Variants in CDH6 observed in about 807,000 individuals in gnomAD.
CDH6 encodes cadherin 6, also known as cadherin-6.
Under a neutral mutation model 78.0 loss-of-function variants are expected in CDH6, and 31 were observed. The ratio of observed to expected loss-of-function variants is 0.40; its 90% CI spans 0.30 to 0.54. The LOEUF (loss-of-function observed/expected upper bound fraction) is 0.54. Among genes scored for constraint, CDH6 ranks in the 20% least tolerant of loss-of-function variants. CDH6 has a pLI of 0.56. For synonymous variants in CDH6, 376 were observed against 368.8 expected (o/e 1.02, Z -0.23); for missense variants, 724 against 975.9 (o/e 0.74, Z 3.44).
chr5:31,287,026 T>C (rs912513118), intron 2 of CDH6, among the ~76,000 whole-genome samples: 2 of 152,032 alleles, frequency 1.3e-5, no homozygotes, highest in African/African-American at 4.8e-5. Flanking sequence ...GAGGTCAATA[T>C]TGGATGTGCT....
intron 1 of CDH6, among the ~76,000 whole-genome samples, chr5:31,213,458 C>T (rs964748136): frequency 1.3e-5 from 2 of 151,976 alleles, no homozygotes; most frequent in African/African-American, 2.4e-5. Flanking sequence ...GGCTCTAGAG[C>T]GTGGGTGAGG....
intron 1 of CDH6, among the ~76,000 whole-genome samples, chr5:31,265,596 T>C (rs1295453283): frequency 1.3e-5 from 2 of 152,070 alleles, no homozygotes; most frequent in African/African-American, 2.4e-5. Context: ...ATGACAAGAA[T>C]CAAGTGAACC....
intron 1 of CDH6, among the ~76,000 whole-genome samples, chr5:31,259,438 G>A (rs1247544775): frequency 2.0e-5 from 3 of 152,156 alleles, no homozygotes; most frequent in African/African-American, 7.2e-5. Context: ...TCACTGAGCT[G>A]TTAAAAGAAG....
At chr5:31,296,260 T>TTAA (rs1737595735) in intron 3 of CDH6, among the ~76,000 whole-genome samples, 1 of 152,170 alleles carries the variant, frequency 6.6e-6, no homozygotes, top group Non-Finnish European at 1.5e-5. Flanking sequence ...TTAAGTGATC[T>TTAA]TAATCCGAGA....
At chr5:31,273,798 C>T (rs1742602231) in intron 2 of CDH6, among the ~76,000 whole-genome samples, 1 of 152,218 alleles carries the variant, frequency 6.6e-6, no homozygotes, top group African/African-American at 2.4e-5. Flanking sequence ...TATTGTTATG[C>T]ACATTCCTTT....
intron 7 of CDH6, among the ~76,000 whole-genome samples, chr5:31,309,873 C>T (rs1561069622): frequency 1.3e-5 from 2 of 152,172 alleles, no homozygotes; most frequent in Admixed American, 6.5e-5. Flanking sequence ...GAAGTCTGCC[C>T]CATGATTCAG....
At chr5:31,199,701 ATATATATATATATATC>A (rs1196485772) in intron 1 of CDH6, among the ~76,000 whole-genome samples, 5 of 132,366 alleles carry the variant, frequency 3.8e-5, no homozygotes, top group African/African-American at 5.9e-5. Flanking sequence ...ATATATATAT[ATATATATATATATATC>A]TCAAAGATAA....
intron 11 of CDH6, chr5:31,318,217 T>C: frequency 1.7e-6 from 1 of 587,846 alleles, no homozygotes; most frequent in South Asian, 2.2e-5. Flanking sequence ...AACATAAATG[T>C]GCCCTTTTCA....
intron 1 of CDH6, among the ~76,000 whole-genome samples, chr5:31,198,063 G>A (rs181662849): frequency 6.6e-6 from 1 of 152,164 alleles, no homozygotes; most frequent in Admixed American, 6.5e-5. Flanking sequence ...TCAAAGAAGT[G>A]GTGCATTCAA....
In CDH6 at chr5:31,309,955, G is replaced by A. The variant is rs549028888; in HGVS notation, c.1254-3363G>A. ...GAGATCAGATTTGGGTGGGGACACA[G>A]AGCCAAACCATATCATTCTTCCCTT... On this transcript the variant is annotated intron_variant, in intron 7 of 11. Coordinates refer to ENST00000265071, the MANE Select transcript of CDH6 (RefSeq NM_004932.4). Among the ~76,000 whole-genome samples, 6 of 152,294 alleles carry A rather than the reference G, an allele frequency of 3.9e-5. No homozygotes were observed. The South Asian group carries it at 1.0e-3, about 26-fold the overall frequency.
rs151043213 is a variant in CDH6 at position 31,328,175 on chromosome 5, C to CTTTTT, written c.*4884_*4888dup. On this transcript the variant is annotated 3_prime_UTR_variant, in exon 12 of 12. Coordinates refer to ENST00000265071, the MANE Select transcript of CDH6 (RefSeq NM_004932.4). ...AGAGCTTTTACAAGTTGCTTAATTCCTTTTTTTTTTTTTTTTTTTTTCAAA... is the reference window on the plus strand; with the variant it reads ...AGAGCTTTTACAAGTTGCTTAATTCCTTTTTTTTTTTTTTTTTTTTTTTTTTCAAA... 87 of 122,136 alleles carry CTTTTT rather than the reference C, an allele frequency of 7.1e-4. No homozygotes were observed. The highest frequency in any genetic ancestry group is 2.9e-3 in the African/African-American group (81 of 27,918). The allele number at this position is 122,136 out of a possible 1,614,324, so 7.6% of individuals were successfully genotyped here. A position where few individuals can be genotyped will look rare whatever the true frequency, so the allele number is the denominator to read the frequency against.
chr5:31,322,274 G>A (rs182167397), intron 11 of CDH6, among the ~76,000 whole-genome samples: 182 of 152,004 alleles, frequency 1.2e-3, no homozygotes, highest in Middle Eastern at 6.8e-3. Context: ...TTATATGTAG[G>A]AAAGGTATGC....
At chr5:31,238,269 TA>T (rs1182812558) in intron 1 of CDH6, among the ~76,000 whole-genome samples, 1 of 152,340 alleles carries the variant, frequency 6.6e-6, no homozygotes, top group East Asian at 1.9e-4. Context: ...AAGTGTTCTT[TA>T]AAACAATCCA....
At chr5:31,302,794 G>GAA (rs1388716040) in intron 6 of CDH6, among the ~76,000 whole-genome samples, 2,342 of 36,270 alleles carry the variant, frequency 0.065, 43 homozygotes, top group East Asian at 0.13. Context: ...GAGAGAGAGA[G>GAA]AGAGAGAAAG....
intron 1 of CDH6, among the ~76,000 whole-genome samples, chr5:31,195,031 C>G (rs1335779196): frequency 1.3e-5 from 2 of 151,566 alleles, no homozygotes; most frequent in African/African-American, 4.9e-5. Context: ...CATTCAAGAA[C>G]CAAGAAGTTT....
chr5:31,284,602 A>C (rs12657313), intron 2 of CDH6, among the ~76,000 whole-genome samples: 62,727 of 152,088 alleles, frequency 0.41, 13,003 homozygotes, highest in Middle Eastern at 0.45. Context: ...AAGGACAAAG[A>C]AATCCTGTAG....
At chr5:31,213,338 A>G (rs1334515446) in intron 1 of CDH6, among the ~76,000 whole-genome samples, 1 of 152,170 alleles carries the variant, frequency 6.6e-6, no homozygotes. Context: ...GAAATGCTTA[A>G]AATCAAAATT....
At chr5:31,271,559 A>G (rs576798967) in intron 2 of CDH6, among the ~76,000 whole-genome samples, 1 of 152,350 alleles carries the variant, frequency 6.6e-6, no homozygotes, top group South Asian at 2.1e-4. Context: ...AGAAAATGTC[A>G]ACAACCACTC....
rs531278681 is a variant in CDH6, at chr5:31,225,946, C to G, written c.-129+32060C>G. Reference sequence around the variant, plus strand: ...AAGTAAATGAACCAGAATGCACATTCCAAGTACATACTCCATTCAACATAC... The same window carrying G: ...AAGTAAATGAACCAGAATGCACATTGCAAGTACATACTCCATTCAACATAC... On this transcript the variant is annotated intron_variant, in intron 1 of 11. Coordinates refer to ENST00000265071, the MANE Select transcript of CDH6 (RefSeq NM_004932.4). Among the ~76,000 whole-genome samples the G allele has an allele frequency of 3.3e-5, 5 of 152,228 alleles. No individual in the cohort carries two copies. The East Asian group carries it at 9.7e-4, about 30-fold the overall frequency.
Sources: gnomAD v4.1 joint callset for allele counts (sites outside exome capture counted in the v4.1 genomes callset) on GRCh38, gnomAD v4.1.1 for gene constraint, MANE v1.5 for transcripts, NCBI Gene and HGNC (gene_info 2026-07-23, HGNC 2026-07-21) for gene names.